GRM1: variants seen among roughly 807,000 people sequenced by gnomAD.
The protein encoded by GRM1 is metabotropic glutamate receptor 1.
GRM1 carries 33 observed loss-of-function variants against 90.9 expected under a neutral mutation model. The ratio of observed to expected loss-of-function variants is 0.36; its 90% CI spans 0.28 to 0.49. GRM1 has a LOEUF of 0.49. Among genes scored for constraint, GRM1 ranks in the 20% least tolerant of loss-of-function variants. The pLI is 0.99. For synonymous variants in GRM1, 700 were observed against 613.2 expected, an observed-to-expected ratio of 1.14 and a Z score of -2.09; for missense variants, 1,190 against 1,534.3, an observed-to-expected ratio of 0.78 and a Z score of 3.75.
rs1457788623 is a variant in GRM1, at chr6:146,329,413, G to T, written c.1187-22837G>T. Reference sequence around the variant, plus strand: ...TCTGAAGGACAAGCTCATGTGTTTTGTGGAGGATTAAGGTCATGAGCAGTT... The same window carrying T: ...TCTGAAGGACAAGCTCATGTGTTTTTTGGAGGATTAAGGTCATGAGCAGTT... On this transcript the variant is annotated intron_variant, in intron 3 of 7. Coordinates refer to ENST00000282753, the MANE Select transcript of GRM1 (RefSeq NM_001278064.2). Among the ~76,000 whole-genome samples the T allele has an allele frequency of 2.6e-5, 4 of 152,178 alleles. No individual in the cohort carries two copies. In the East Asian group the frequency reaches 7.7e-4, roughly 29 times the overall value.
chr6:146,277,619 A>C (rs1782422877), intron 2 of GRM1, among the ~76,000 whole-genome samples: 1 of 152,184 alleles, frequency 6.6e-6, no homozygotes, highest in African/African-American at 2.4e-5. Context: ...GGGGGAAGAC[A>C]CCTGGAACCT....
intron 1 of GRM1, among the ~76,000 whole-genome samples, chr6:146,105,103 A>G (rs1031857980): frequency 6.6e-6 from 1 of 152,196 alleles, no homozygotes; most frequent in African/African-American, 2.4e-5. Flanking sequence ...GATGCAATTC[A>G]TATTTTCCAA....
intron 2 of GRM1, among the ~76,000 whole-genome samples, chr6:146,166,557 C>A (rs1777911658): frequency 1.3e-5 from 2 of 152,072 alleles, no homozygotes; most frequent in African/African-American, 4.8e-5. Context: ...ATTTGCAGTT[C>A]TCTTTATTTC....
chr6:146,387,065 C>T (rs778850866), intron 6 of GRM1, 49 bp downstream of exon 6: 1 of 1,566,986 alleles, frequency 6.4e-7, no homozygotes, highest in South Asian at 1.1e-5. Flanking sequence ...TTTGCCTTTC[C>T]AATGTGTCCA....
At chr6:146,411,623 A>C (rs1316449306) in intron 7 of GRM1, among the ~76,000 whole-genome samples, 1 of 152,200 alleles carries the variant, frequency 6.6e-6, no homozygotes, top group Non-Finnish European at 1.5e-5. Flanking sequence ...CCTGAGCTCC[A>C]GGAGGAGACT....
intron 2 of GRM1, among the ~76,000 whole-genome samples, chr6:146,257,385 G>A (rs998101740): frequency 6.6e-6 from 1 of 151,980 alleles, no homozygotes; most frequent in Admixed American, 6.6e-5. Flanking sequence ...AAGTCACTAA[G>A]TATTTTATGA....
chr6:146,370,908 A>C (rs774837044), intron 5 of GRM1, among the ~76,000 whole-genome samples: 4 of 152,056 alleles, frequency 2.6e-5, no homozygotes, highest in Non-Finnish European at 5.9e-5. Flanking sequence ...CAACTTTTTG[A>C]TCATTTTATG....
chr6:146,402,895 G>T (rs1777208492), intron 7 of GRM1, among the ~76,000 whole-genome samples: 1 of 152,126 alleles, frequency 6.6e-6, no homozygotes, highest in South Asian at 2.1e-4. Context: ...TATAGGAGGA[G>T]TTTAATCAAT....
chr6:146,033,977 ATTATC>A lies in GRM1; in HGVS notation c.700+3764_700+3768del, dbSNP rs142005549. Among the ~76,000 whole-genome samples, 318 of 152,190 alleles carry A rather than the reference ATTATC, an allele frequency of 2.1e-3. No homozygotes were observed. In the East Asian group the frequency reaches 0.033, roughly 16 times the overall value. ...TTGATTGCAACCTACTTCAAAGGAA[ATTATC>A]TTAATACATTGCTCATTTTATCATA... On this transcript the variant is annotated intron_variant, in intron 1 of 7. Coordinates refer to ENST00000282753, the MANE Select transcript of GRM1 (RefSeq NM_001278064.2).
At chr6:146,352,218 A>T in intron 3 of GRM1, 32 bp from the exon 4 acceptor site, 1 of 1,609,794 alleles carries the variant, frequency 6.2e-7, no homozygotes, top group Non-Finnish European at 8.5e-7. Flanking sequence ...TATCATTGTG[A>T]CCTTGGTAGT....
At chr6:146,088,256 AT>A (rs1009710218) in intron 1 of GRM1, among the ~76,000 whole-genome samples, 12 of 151,588 alleles carry the variant, frequency 7.9e-5, no homozygotes, top group Non-Finnish European at 1.5e-4. Flanking sequence ...GTGACAATAT[AT>A]TTTTTTCTGA....
At chr6:146,281,451 C>T (rs1219915604) in intron 2 of GRM1, among the ~76,000 whole-genome samples, 1 of 152,118 alleles carries the variant, frequency 6.6e-6, no homozygotes, top group Non-Finnish European at 1.5e-5. Context: ...TCCCACTGAG[C>T]GAACTCAGAC....
chr6:146,307,491 C>T (rs1224819662), intron 3 of GRM1, among the ~76,000 whole-genome samples: 7 of 152,064 alleles, frequency 4.6e-5, no homozygotes, highest in African/African-American at 9.7e-5. Context: ...CCTTGGTCTT[C>T]GGTTTTAATC....
At chr6:146,087,762 G>A (rs532166331) in intron 1 of GRM1, among the ~76,000 whole-genome samples, 8 of 152,220 alleles carry the variant, frequency 5.3e-5, no homozygotes, top group Non-Finnish European at 8.8e-5. Context: ...AATTTGTTGC[G>A]TGCCTCAAAA....
At position 146,433,525 on chromosome 6, in the gene GRM1, A is replaced by AGTGTGTGTGT. The variant is rs72224796; in HGVS notation, c.2661-322_2661-313dup. ...CTCCATCAGTTGGGAGTTTTTCAAA[A>AGTGTGTGTGT]GTGTGTGTGTGTGTGTGTGTGTGTG... On this transcript the variant is annotated intron_variant, in intron 7 of 7. Coordinates refer to ENST00000282753, the MANE Select transcript of GRM1 (RefSeq NM_001278064.2). Among the ~76,000 whole-genome samples the AGTGTGTGTGT allele has an allele frequency of 3.4e-5, 5 of 148,196 alleles. 1 individual carries two copies. Among genetic ancestry groups the AGTGTGTGTGT allele is most frequent in the African/African-American group, 1.2e-4 (5 of 40,262 alleles).
At position 146,315,120 on chromosome 6, in the gene GRM1, C is replaced by G. The variant is rs1418296925; in HGVS notation, c.1186+10274C>G. Among the ~76,000 whole-genome samples, 3 of 152,218 alleles carry G rather than the reference C, an allele frequency of 2.0e-5. No homozygotes were observed. In the South Asian group the frequency reaches 6.2e-4, roughly 32 times the overall value. On this transcript the variant is annotated intron_variant, in intron 3 of 7. Coordinates refer to ENST00000282753, the MANE Select transcript of GRM1 (RefSeq NM_001278064.2). ...CAAGAGCTATTTGTCAAACTTCACACCAATGAGCTGTGTGAGGCCAGGAGT... is the reference window on the plus strand; with the variant it reads ...CAAGAGCTATTTGTCAAACTTCACAGCAATGAGCTGTGTGAGGCCAGGAGT...
At chr6:146,112,479 C>T (rs1366707756) in intron 1 of GRM1, among the ~76,000 whole-genome samples, 1 of 151,788 alleles carries the variant, frequency 6.6e-6, no homozygotes, top group Non-Finnish European at 1.5e-5. Context: ...CTTAGAAATG[C>T]CAAGTGTTTA....
At position 146,405,335 on chromosome 6, in the gene GRM1, C is replaced by A. The variant is rs74564431; in HGVS notation, c.2660+5636C>A. ...ACCGGGAAGAACAAACATTAGGGAA[C>A]TCTTACACTTAAGAGATAACATAAG... On this transcript the variant is annotated intron_variant, in intron 7 of 7. Transcript: ENST00000282753. Among the ~76,000 whole-genome samples, 348 of 152,258 alleles carry A rather than the reference C, an allele frequency of 2.3e-3. 1 individual carries two copies. Among genetic ancestry groups the A allele is most frequent in the African/African-American group, 8.2e-3 (340 of 41,552 alleles).
In GRM1 at chr6:146,415,649, C is replaced by T. The variant is rs552025187; in HGVS notation, c.2660+15950C>T. Among the ~76,000 whole-genome samples the T allele has an allele frequency of 1.6e-4, 25 of 152,260 alleles. No homozygotes were observed. The South Asian group carries it at 2.3e-3, about 14-fold the overall frequency. On this transcript the variant is annotated intron_variant, in intron 7 of 7. Transcript: ENST00000282753. The stretch of plus-strand genomic sequence containing the variant: ...TCAGGTAGTGTAAGTCCTTCAACTT[C>T]GTTCTTATTTTCCATGATTGTTTTG...
Sources: gnomAD v4.1 joint callset for allele counts (sites outside exome capture counted in the v4.1 genomes callset) on GRCh38, gnomAD v4.1.1 for gene constraint, MANE v1.5 for transcripts, NCBI Gene and HGNC (gene_info 2026-07-23, HGNC 2026-07-21) for gene names.